Variants in HEATR6 observed in about 807,000 individuals in gnomAD.
HEATR6 encodes HEAT repeat containing 6, also known as HEAT repeat-containing protein 6.
HEATR6 carries 106 observed loss-of-function variants against 132.8 expected under a neutral mutation model. That is an observed-to-expected ratio of 0.80 (90% CI 0.68 to 0.94). The LOEUF is 0.94. Ranked by LOEUF, HEATR6 falls within the 40% of genes least tolerant of loss-of-function variation. The pLI, the probability that HEATR6 is intolerant of heterozygous loss-of-function variation, is 0.00. For missense variants in HEATR6, 1,339 were observed against 1,425.1 expected (o/e 0.94, Z 0.97); for synonymous variants, 529 against 537.8 (o/e 0.98, Z 0.23).
chr17:60,077,760 G>C (rs937364522), intron 1 of HEATR6, among the ~76,000 whole-genome samples: 9 of 152,328 alleles, frequency 5.9e-5, no homozygotes, highest in South Asian at 2.1e-4. Context: ...AGAGGAGCTA[G>C]ACAGGAGGCA....
Position 60,048,300 on chromosome 17 carries a change from G to A in HEATR6, c.2636C>T (p.Ser879Phe). Residue 879 changes from serine (S) to phenylalanine (F), a missense_variant, in exon 17 of 20, where the codon TCC (serine) becomes TTC (phenylalanine). By Grantham distance (155) the Ser-to-Phe change is radical (BLOSUM62 -2). Coordinates refer to ENST00000184956, the MANE Select transcript of HEATR6 (RefSeq NM_022070.5). The part of the protein sequence containing the change: ...SLNVRAKAAW[S>F]LGNLTDTLIV... ...CAGAGTGTCTGTCAGGTTGCCCAGG[G>A]ACCAGGCTGCTTTGGCTCGAACATT... The A allele has an allele frequency of 6.2e-7, 1 of 1,613,720 alleles. No homozygotes were observed. Among genetic ancestry groups the A allele is most frequent in the Non-Finnish European group, 8.5e-7 (1 of 1,179,750 alleles).
At chr17:60,056,433 T>C (rs980733662) in intron 12 of HEATR6, among the ~76,000 whole-genome samples, 196 bp from the exon 13 acceptor site, 2 of 152,232 alleles carry the variant, frequency 1.3e-5, no homozygotes, top group African/African-American at 4.8e-5. Context: ...CTTTAGTATA[T>C]GATTGCTTTT....
rs1906251688 is a variant in HEATR6, at chr17:60,043,479, C to G, written c.*84G>C. The G allele has an allele frequency of 8.7e-7, 1 of 1,148,692 alleles. No homozygotes were observed. The highest frequency in any genetic ancestry group is 1.3e-6 in the Non-Finnish European group (1 of 795,644). The allele number at this position is 1,148,692 out of a possible 1,614,324, so 71.2% of individuals were successfully genotyped here. ...AATAGTGAACGGATTGTTTCTGCCCCTAAGATGAAATCCCACAGATCTTAT... is the reference window on the plus strand; with the variant it reads ...AATAGTGAACGGATTGTTTCTGCCCGTAAGATGAAATCCCACAGATCTTAT... On this transcript the variant is annotated 3_prime_UTR_variant, in exon 20 of 20. Transcript: ENST00000184956.
At chr17:60,063,738 T>TA (rs1257618779) in intron 9 of HEATR6, 1 of 152,522 alleles carries the variant, frequency 6.6e-6, no homozygotes, top group African/African-American at 2.4e-5. Context: ...TCCAGCTGAG[T>TA]ATGCCATGGG....
At position 60,069,863 on chromosome 17, in the gene HEATR6, T is replaced by C. The variant is rs752064807; in HGVS notation, c.802-15A>G. ...AACATGAATTTCTAATAATGATGAA[T>C]AAGGACACACACACACACACGAAAC... On this transcript the variant is annotated splice_polypyrimidine_tract_variant and intron_variant, in intron 6 of 19. Coordinates refer to ENST00000184956, the MANE Select transcript of HEATR6 (RefSeq NM_022070.5). The C allele has an allele frequency of 2.2e-5, 36 of 1,613,062 alleles. No homozygotes were observed. The highest frequency in any genetic ancestry group is 5.9e-6 in the Non-Finnish European group (7 of 1,179,734).
rs1906244530 is a variant in HEATR6, at chr17:60,043,299, G to A, written c.*264C>T. 2 of 409,844 alleles carry A rather than the reference G, an allele frequency of 4.9e-6. No homozygotes were observed. The highest frequency in any genetic ancestry group is 8.7e-6 in the Non-Finnish European group (2 of 230,186). 25.4% of individuals were successfully genotyped at this position (409,844 alleles called of 1,614,324 possible). A position where few individuals can be genotyped will look rare whatever the true frequency, so the allele number is the denominator to read the frequency against. On this transcript the variant is annotated 3_prime_UTR_variant, in exon 20 of 20. Coordinates refer to ENST00000184956, the MANE Select transcript of HEATR6 (RefSeq NM_022070.5). The stretch of plus-strand genomic sequence containing the variant: ...CTGAGACTAAATGCCCTCAAAGCCC[G>A]TCTGCTTGGCCTGTATTACAACCTG...
intron 16 of HEATR6, 77 bp from the exon 17 acceptor site, chr17:60,048,465 A>G: frequency 1.4e-6 from 2 of 1,415,902 alleles, no homozygotes; most frequent in Non-Finnish European, 1.9e-6. Context: ...TTATTTTCAG[A>G]TAAAGCTAGA....
At chr17:60,071,037 G>C (rs2083267647) in intron 5 of HEATR6, among the ~76,000 whole-genome samples, 1 of 152,134 alleles carries the variant, frequency 6.6e-6, no homozygotes, top group South Asian at 2.1e-4. Context: ...TGGTCTTATT[G>C]TACATGTTTA....
intron 9 of HEATR6, chr17:60,063,842 A>G (rs2083224572): frequency 1.3e-5 from 2 of 152,200 alleles, no homozygotes; most frequent in African/African-American, 4.8e-5. Context: ...GGCTAAGAGG[A>G]ACTCCAGCCA....
At chr17:60,072,385 C>T in intron 4 of HEATR6, 56 bp from the exon 5 acceptor site, 3 of 897,956 alleles carry the variant, frequency 3.3e-6, no homozygotes, top group African/African-American at 1.7e-5. Context: ...ATGAGGCTTG[C>T]AAAAGACTAA....
chr17:60,074,791 T>C (rs1356852337), intron 2 of HEATR6, among the ~76,000 whole-genome samples: 2 of 152,138 alleles, frequency 1.3e-5, no homozygotes, highest in African/African-American at 2.4e-5. Context: ...GCTACTGGCG[T>C]CTAGTGGGTA....
At chr17:60,050,811 G>A in intron 15 of HEATR6, 32 bp downstream of exon 15, 1 of 1,612,696 alleles carries the variant, frequency 6.2e-7, no homozygotes, top group South Asian at 1.1e-5. Context: ...CTCCAGCCAT[G>A]ATTTAAGGGT....
chr17:60,058,915 T>A (rs951197098), intron 11 of HEATR6, among the ~76,000 whole-genome samples: 1 of 152,196 alleles, frequency 6.6e-6, no homozygotes, highest in Non-Finnish European at 1.5e-5. Flanking sequence ...ACATTATGTG[T>A]AGGAGGAAAT....
chr17:60,073,728 T>C lies in HEATR6; in HGVS notation c.468+18A>G. ...TGCTCCTGGCCTTTCAAAGGAAGGA[T>C]AAAGCACTTTAAACTACCTTTTGAC... is the stretch of plus-strand genomic sequence containing the variant. On this transcript the variant is annotated intron_variant, in intron 3 of 19. Transcript: ENST00000184956. 3 of 1,612,368 alleles carry C rather than the reference T, an allele frequency of 1.9e-6. No individual in the cohort carries two copies. The highest frequency in any genetic ancestry group is 1.7e-5 in the Admixed American group (1 of 59,754).
chr17:60,052,193 A>G (rs925926780), intron 14 of HEATR6, among the ~76,000 whole-genome samples: 8 of 152,130 alleles, frequency 5.3e-5, no homozygotes, highest in African/African-American at 1.9e-4. Flanking sequence ...TGGGTGAGCC[A>G]CCCTGGAAGA....
chr17:60,057,525 T>C (rs1906785336), intron 11 of HEATR6, 122 bp from the exon 12 acceptor site: 3 of 630,898 alleles, frequency 4.8e-6, no homozygotes, highest in South Asian at 4.1e-5. Context: ...ATCAAACTTC[T>C]AGACCTCATT....
chr17:60,047,514 T>C, intron 17 of HEATR6, 109 bp from the exon 18 acceptor site: 1 of 499,986 alleles, frequency 2.0e-6, no homozygotes, highest in African/African-American at 2.0e-5. Flanking sequence ...GAAAACAGTT[T>C]AACAAATCTG....
chr17:60,078,887 A>G lies in HEATR6; in HGVS notation c.28T>C (p.Trp10Arg). The G allele has an allele frequency of 7.5e-7, 1 of 1,338,040 alleles. No individual in the cohort carries two copies. The highest frequency in any genetic ancestry group is 9.8e-7 in the Non-Finnish European group (1 of 1,015,976). 82.9% of individuals were successfully genotyped at this position (1,338,040 alleles called of 1,614,324 possible). A position where few individuals can be genotyped will look rare whatever the true frequency, so the allele number is the denominator to read the frequency against. ...GCCTCCCGCGGCTGCACGGAAGGCC[A>G]CGAACCGACAACTTGCACAGCAGCC... MAAVQVVGS[W>R]PSVQPREAPR... The change falls in exon 1 of 20, where the codon TGG becomes CGG. Residue 10 changes from tryptophan to arginine, a missense_variant. Trp to Arg is a moderately radical substitution (Grantham distance 101). Coordinates refer to ENST00000184956, the MANE Select transcript of HEATR6 (RefSeq NM_022070.5).
At chr17:60,072,396 T>A (rs561811824) in intron 4 of HEATR6, 67 bp from the exon 5 acceptor site, 73 of 813,358 alleles carry the variant, frequency 9.0e-5, no homozygotes, top group Non-Finnish European at 1.4e-4. Flanking sequence ...AAAAGACTAA[T>A]TAAAAATAGC....
Sources: gnomAD v4.1 joint callset for allele counts (sites outside exome capture counted in the v4.1 genomes callset) on GRCh38, gnomAD v4.1.1 for gene constraint, MANE v1.5 for transcripts, NCBI Gene and HGNC (gene_info 2026-07-23, HGNC 2026-07-21) for gene names.